SAMSN1: variants seen among roughly 807,000 people sequenced by gnomAD.
The protein encoded by SAMSN1 is SAM domain, SH3 domain and nuclear localization signals 1, also known as SAM domain-containing protein SAMSN-1.
SAMSN1 carries 31 observed loss-of-function variants against 42.0 expected under a neutral mutation model. The observed-to-expected ratio is 0.74, with a 90% confidence interval of 0.55 to 1.00. The LOEUF (loss-of-function observed/expected upper bound fraction) is 1.00. Among genes scored for constraint, SAMSN1 ranks in the 50% least tolerant of loss-of-function variants. SAMSN1 has a pLI of 0.00. For synonymous variants in SAMSN1, 178 were observed against 151.9 expected (o/e 1.17, Z -1.26); for missense variants, 464 against 439.4 (o/e 1.06, Z -0.50).
intron 2 of SAMSN1, among the ~76,000 whole-genome samples, chr21:14,641,632 T>A (rs1217784967): frequency 1.3e-5 from 2 of 152,136 alleles, no homozygotes; most frequent in Non-Finnish European, 2.9e-5. Context: ...ACTGAATAAA[T>A]GATCATTATT....
chr21:14,539,602 C>T (rs1979869270), intron 1 of SAMSN1, among the ~76,000 whole-genome samples: 1 of 151,744 alleles, frequency 6.6e-6, no homozygotes, highest in South Asian at 2.1e-4. Flanking sequence ...TGAAGGACCT[C>T]TTCAAGGAGA....
chr21:14,523,195 T>A (rs1978604468), intron 1 of SAMSN1: 1 of 152,196 alleles, frequency 6.6e-6, no homozygotes, highest in Non-Finnish European at 1.5e-5. Flanking sequence ...CCCTAGAAGC[T>A]CTTATGTCTC....
Position 14,652,156 on chromosome 21 carries a change from A to G in SAMSN1, c.24+6592T>C, listed in dbSNP as rs149779629. 3.9e-5 allele frequency among the ~76,000 whole-genome samples: 6 copies of G among 152,188 alleles called. No homozygotes were observed. The East Asian group carries it at 1.2e-3, about 29-fold the overall frequency. Reference sequence around the variant, plus strand: ...GATTCAATGCAACCTCAGTAAAAATACCAGTGACATTCTTCACAGAAATGG... The same window carrying G: ...GATTCAATGCAACCTCAGTAAAAATGCCAGTGACATTCTTCACAGAAATGG... On this transcript the variant is annotated intron_variant, in intron 1 of 15. Coordinates refer to the SAMSN1 transcript ENST00000647101.
intron 2 of SAMSN1, among the ~76,000 whole-genome samples, chr21:14,581,632 T>G (rs1187266946): frequency 2.0e-5 from 3 of 152,022 alleles, no homozygotes; most frequent in African/African-American, 7.2e-5. Context: ...AGTGCTGGGA[T>G]TACAGGCATG....
intron 2 of SAMSN1, among the ~76,000 whole-genome samples, chr21:14,635,210 T>C (rs1983436406): frequency 6.6e-6 from 1 of 152,132 alleles, no homozygotes; most frequent in African/African-American, 2.4e-5. Context: ...GGGATAGCAT[T>C]AGGACAAACA....
intron 6 of SAMSN1, chr21:14,598,189 C>T (rs551725667): frequency 6.6e-6 from 1 of 152,204 alleles, no homozygotes; most frequent in African/African-American, 2.4e-5. Flanking sequence ...ATCACCAGCA[C>T]TGAAGGTAAT....
chr21:14,653,042 G>A (rs934465860), intron 1 of SAMSN1, among the ~76,000 whole-genome samples: 6 of 151,978 alleles, frequency 3.9e-5, no homozygotes, highest in Non-Finnish European at 8.8e-5. Context: ...ACTAGTAAAT[G>A]CTGGTGAAGA....
chr21:14,572,227 G>A (rs78584163), intron 2 of SAMSN1, among the ~76,000 whole-genome samples: 136 of 152,282 alleles, frequency 8.9e-4, no homozygotes, highest in African/African-American at 3.1e-3. Flanking sequence ...TTAGGTGTCA[G>A]GTACAGTTAA....
intron 1 of SAMSN1, among the ~76,000 whole-genome samples, chr21:14,523,068 A>G (rs1215550190): frequency 6.6e-6 from 1 of 152,106 alleles, no homozygotes; most frequent in Non-Finnish European, 1.5e-5. Context: ...TTTTTTCTCC[A>G]TCAATATTAT....
intron 7 of SAMSN1, among the ~76,000 whole-genome samples, chr21:14,590,483 A>G (rs912806153): frequency 2.0e-5 from 3 of 152,036 alleles, no homozygotes; most frequent in Non-Finnish European, 4.4e-5. Context: ...AAGTCTCACT[A>G]TGTTGCCCAG....
At chr21:14,588,755 A>G (rs1450328318) in intron 7 of SAMSN1, among the ~76,000 whole-genome samples, 3 of 151,778 alleles carry the variant, frequency 2.0e-5, no homozygotes, top group Non-Finnish European at 3.0e-5. Context: ...AGTTTCGTCT[A>G]TTCTATCTCC....
intron 7 of SAMSN1, among the ~76,000 whole-genome samples, chr21:14,488,750 A>G (rs1216560315): frequency 6.6e-6 from 1 of 152,188 alleles, no homozygotes; most frequent in East Asian, 1.9e-4. Context: ...TCTGAGTATG[A>G]AAGTTATGCA....
At chr21:14,654,051 A>C (rs950983743) in intron 1 of SAMSN1, among the ~76,000 whole-genome samples, 1 of 152,024 alleles carries the variant, frequency 6.6e-6, no homozygotes, top group Non-Finnish European at 1.5e-5. Flanking sequence ...ATTTAAAATC[A>C]TTGTGTAATG....
chr21:14,516,638 C>T (rs780289211), intron 3 of SAMSN1, among the ~76,000 whole-genome samples: 10 of 152,238 alleles, frequency 6.6e-5, no homozygotes, highest in Non-Finnish European at 1.3e-4. Flanking sequence ...GTGATCTTCC[C>T]GCCACGGCCT....
At chr21:14,510,197 C>T in intron 5 of SAMSN1, 113 bp downstream of exon 5, 1 of 1,001,674 alleles carries the variant, frequency 1.0e-6, no homozygotes, top group South Asian at 1.5e-5. Context: ...TCCACTTCTA[C>T]TGTTGGGAAG....
At chr21:14,622,406 C>G (rs540738621) in intron 2 of SAMSN1, among the ~76,000 whole-genome samples, 1 of 152,180 alleles carries the variant, frequency 6.6e-6, no homozygotes, top group Non-Finnish European at 1.5e-5. Context: ...ACTAGAATAA[C>G]CAGTGTAGAG....
In SAMSN1 at chr21:14,498,719, C is replaced by T. The variant is rs377534917; in HGVS notation, c.769-127G>A. ...AGGTGCCAATAGAACTTTTACTTAA[C>T]TTCACTTGTATTCGTTTCTGACATA... On this transcript the variant is annotated intron_variant, in intron 6 of 7. Transcript: ENST00000400566. 23 of 623,928 alleles carry T rather than the reference C, an allele frequency of 3.7e-5. No homozygotes were observed. The South Asian group carries it at 5.7e-4, about 15-fold the overall frequency. 38.6% of individuals were successfully genotyped at this position (623,928 alleles called of 1,614,324 possible).
At chr21:14,539,926 T>C (rs1036539494) in intron 1 of SAMSN1, among the ~76,000 whole-genome samples, 2 of 152,224 alleles carry the variant, frequency 1.3e-5, no homozygotes, top group Non-Finnish European at 2.9e-5. Flanking sequence ...AACAGCATGG[T>C]ATTGGTACCA....
In SAMSN1 at chr21:14,655,693, C is replaced by G. The variant is rs572499663; in HGVS notation, c.24+3055G>C. Among the ~76,000 whole-genome samples the G allele has an allele frequency of 1.4e-4, 21 of 151,720 alleles. No homozygotes were observed. The South Asian group carries it at 3.9e-3, about 29-fold the overall frequency. ...TTTAAAAAAAATTTCCTCATGAAGA[C>G]TGAATTATAAATAATTATATGAGCA... On this transcript the variant is annotated intron_variant, in intron 1 of 15. Coordinates refer to the SAMSN1 transcript ENST00000647101.
Sources: gnomAD v4.1 joint callset for allele counts (sites outside exome capture counted in the v4.1 genomes callset) on GRCh38, gnomAD v4.1.1 for gene constraint, MANE v1.5 for transcripts, NCBI Gene and HGNC (gene_info 2026-07-23, HGNC 2026-07-21) for gene names.